The following SIPA1L2 variants were observed in gnomAD, a reference collection of about 807,000 sequenced individuals.
The protein encoded by SIPA1L2 is signal-induced proliferation-associated 1-like protein 2.
SIPA1L2 carries 56 observed loss-of-function variants against 163.9 expected under a neutral mutation model. The ratio of observed to expected loss-of-function variants is 0.34; its 90% CI spans 0.28 to 0.43. The LOEUF (loss-of-function observed/expected upper bound fraction) is 0.43. SIPA1L2 is among the 20% of genes least tolerant of loss of function. The probability of loss-of-function intolerance (pLI) is 1.00; values close to 1 mark genes in which losing one functional copy is unlikely to be tolerated. For missense variants in SIPA1L2, 1,974 were observed against 2,193.5 expected, an observed-to-expected ratio of 0.90 and a Z score of 2.00; for synonymous variants, 877 against 865.7, an observed-to-expected ratio of 1.01 and a Z score of -0.23.
At chr1:232,413,089 G>T (rs1661052645) in intron 19 of SIPA1L2, among the ~76,000 whole-genome samples, 2 of 152,176 alleles carry the variant, frequency 1.3e-5, no homozygotes, top group African/African-American at 4.8e-5. Context: ...AGAAATACTT[G>T]TTGATAATGA....
At chr1:232,594,457 C>T (rs889540435) in intron 1 of SIPA1L2, among the ~76,000 whole-genome samples, 19 of 152,226 alleles carry the variant, frequency 1.2e-4, no homozygotes, top group African/African-American at 2.6e-4. Context: ...GCGGGGACTC[C>T]TGCCCTCACC....
intron 22 of SIPA1L2, among the ~76,000 whole-genome samples, chr1:232,402,166 T>C (rs890006668): frequency 1.3e-5 from 2 of 152,204 alleles, no homozygotes; most frequent in African/African-American, 4.8e-5. Context: ...CAAGGGCTCA[T>C]CCTCATTTAC....
rs765501159 is a variant in SIPA1L2 at position 232,445,609 on chromosome 1, C to T, written c.3273G>A (p.Pro1091=). 4.6e-5 allele frequency: 74 copies of T among 1,613,546 alleles called. No individual in the cohort carries two copies. Among genetic ancestry groups the T allele is most frequent in the Middle Eastern group, 3.3e-4 (2 of 6,042 alleles). The part of the protein sequence containing the change: ...SPIPGTPDRL[P]CQQLLQQAQA... ...GGGCCTGCTGGAGCAGCTGTTGGCA[C>T]GGCAGCCGGTCGGGCGTGCCGGGGA... Residue 1091 remains proline, a synonymous_variant, in exon 11 of 23, where the codon CCG becomes CCA. Coordinates refer to ENST00000674635, the MANE Select transcript of SIPA1L2 (RefSeq NM_020808.5).
intron 2 of SIPA1L2, among the ~76,000 whole-genome samples, chr1:232,565,477 C>G (rs1659348490): frequency 6.6e-6 from 1 of 152,178 alleles, no homozygotes; most frequent in African/African-American, 2.4e-5. Flanking sequence ...ATCTTTGTGC[C>G]TCTGTGTGCT....
chr1:232,463,813 C>T (rs1050465988), intron 9 of SIPA1L2, among the ~76,000 whole-genome samples: 2 of 152,188 alleles, frequency 1.3e-5, no homozygotes, highest in African/African-American at 4.8e-5. Context: ...GGCTTGCTCA[C>T]GTATACCTGA....
chr1:232,619,348 T>C (rs779384362), intron 1 of SIPA1L2, among the ~76,000 whole-genome samples: 19 of 152,236 alleles, frequency 1.2e-4, no homozygotes, highest in Admixed American at 7.8e-4. Context: ...ATCTATCATA[T>C]GGTCTCATTT....
chr1:232,596,405 G>A (rs1400315134), intron 1 of SIPA1L2, among the ~76,000 whole-genome samples: 1 of 152,140 alleles, frequency 6.6e-6, no homozygotes, highest in Non-Finnish European at 1.5e-5. Flanking sequence ...CTGAGGCATC[G>A]TCTGCTGAAA....
At chr1:232,616,679 T>C (rs1037409018) in intron 1 of SIPA1L2, among the ~76,000 whole-genome samples, 36 of 152,208 alleles carry the variant, frequency 2.4e-4, no homozygotes, top group African/African-American at 8.7e-4. Flanking sequence ...GAGCATTTTG[T>C]AGTGTCTCTT....
intron 2 of SIPA1L2, among the ~76,000 whole-genome samples, chr1:232,531,294 A>T (rs1656916547): frequency 6.6e-6 from 1 of 152,096 alleles, no homozygotes; most frequent in Non-Finnish European, 1.5e-5. Context: ...AATACACCTG[A>T]GCCACCCCAA....
At chr1:232,624,345 C>T (rs1313094746) in intron 1 of SIPA1L2, among the ~76,000 whole-genome samples, 1 of 152,196 alleles carries the variant, frequency 6.6e-6, no homozygotes, top group Non-Finnish European at 1.5e-5. Context: ...ACGGAGAGGA[C>T]AGTATCCCAA....
chr1:232,565,776 T>G (rs928845211), intron 2 of SIPA1L2, among the ~76,000 whole-genome samples: 3 of 152,244 alleles, frequency 2.0e-5, no homozygotes, highest in Admixed American at 6.5e-5. Flanking sequence ...CCTTTATTTC[T>G]ATTGTGTGTG....
intron 10 of SIPA1L2, among the ~76,000 whole-genome samples, chr1:232,451,049 A>G (rs1663544727): frequency 6.6e-6 from 1 of 152,160 alleles, no homozygotes. Flanking sequence ...AAATCAAACT[A>G]ATTTTGTTAT....
chr1:232,432,472 C>G lies in SIPA1L2; in HGVS notation c.4032-1G>C. On this transcript the variant is annotated splice_acceptor_variant, in intron 15 of 22. Coordinates refer to ENST00000674635, the MANE Select transcript of SIPA1L2 (RefSeq NM_020808.5). LOFTEE classifies it high-confidence loss of function. ...AGGGCTTCCTGAATGGTGAGAACCA[C>G]TGAGGAGAAAAACAGACAAAAGCTG... The G allele has an allele frequency of 6.2e-7, 1 of 1,613,466 alleles. No homozygotes were observed. Among genetic ancestry groups the G allele is most frequent in the Non-Finnish European group, 8.5e-7 (1 of 1,179,364 alleles).
chr1:232,484,864 A>G (rs1004010036), intron 5 of SIPA1L2, among the ~76,000 whole-genome samples: 6 of 152,354 alleles, frequency 3.9e-5, no homozygotes, highest in African/African-American at 1.2e-4. Context: ...CCAATTCTCT[A>G]AAGACATCAA....
At chr1:232,418,146 T>C (rs1661367632) in intron 18 of SIPA1L2, among the ~76,000 whole-genome samples, 1 of 152,194 alleles carries the variant, frequency 6.6e-6, no homozygotes, top group African/African-American at 2.4e-5. Context: ...ACATTCTATG[T>C]GCTACTTTTC....
At chr1:232,403,111 C>G (rs1660440961) in intron 21 of SIPA1L2, among the ~76,000 whole-genome samples, 1 of 152,238 alleles carries the variant, frequency 6.6e-6, no homozygotes, top group Non-Finnish European at 1.5e-5. Flanking sequence ...GTTATCCCTG[C>G]ATGGTGCTGT....
chr1:232,458,814 T>C (rs1306615070), intron 10 of SIPA1L2, among the ~76,000 whole-genome samples: 3 of 152,236 alleles, frequency 2.0e-5, no homozygotes, highest in African/African-American at 7.2e-5. Flanking sequence ...CCTAAAGGAT[T>C]TGCCTTTTGT....
At chr1:232,602,090 G>C (rs1288776540) in intron 1 of SIPA1L2, among the ~76,000 whole-genome samples, 2 of 152,146 alleles carry the variant, frequency 1.3e-5, no homozygotes, top group East Asian at 3.9e-4. Flanking sequence ...AGGAGGGGAA[G>C]TCACTACCAG....
chr1:232,570,048 T>A (rs550289195), intron 2 of SIPA1L2, among the ~76,000 whole-genome samples: 8 of 152,282 alleles, frequency 5.3e-5, no homozygotes, highest in Admixed American at 5.2e-4. Flanking sequence ...ACCTTTCTGA[T>A]AAGAAAACAC....
Sources: allele counts gnomAD v4.1 joint callset (sites outside exome capture counted in the v4.1 genomes callset), GRCh38; gene constraint gnomAD v4.1.1; transcripts MANE v1.5; gene names NCBI Gene and HGNC (gene_info 2026-07-23, HGNC 2026-07-21).